The following ANKS1B variants were observed in gnomAD, a reference collection of about 807,000 sequenced individuals.
ANKS1B encodes ankyrin repeat and sterile alpha motif domain containing 1B.
In ANKS1B, 36 loss-of-function variants were observed where a neutral mutation model predicts 148.3. The observed-to-expected ratio is 0.24, with a 90% CI of 0.19 to 0.32. The LOEUF is 0.32. ANKS1B is among the 10% of genes least tolerant of loss of function. The pLI is 1.00. For synonymous variants in ANKS1B, 542 were observed against 560.8 expected (o/e 0.97, Z 0.47); for missense variants, 1,157 against 1,542.6 (o/e 0.75, Z 4.19).
chr12:98,902,152 G>A (rs2099773007), intron 17 of ANKS1B, among the ~76,000 whole-genome samples: 3 of 152,206 alleles, frequency 2.0e-5, no homozygotes, highest in South Asian at 2.1e-4. Flanking sequence ...AGACCCATCT[G>A]CCCCAGTCTT....
intron 9 of ANKS1B, among the ~76,000 whole-genome samples, chr12:99,647,160 T>C (rs2098378099): frequency 6.6e-6 from 1 of 152,194 alleles, no homozygotes; most frequent in Admixed American, 6.5e-5. Context: ...CTTACATAAA[T>C]TGAATCTCAC....
intron 21 of ANKS1B, 77 bp downstream of exon 21, chr12:98,800,920 C>A (rs550075672): frequency 1.4e-5 from 20 of 1,479,124 alleles, no homozygotes; most frequent in Non-Finnish European, 1.6e-5. Context: ...GGTATATTTT[C>A]AATGTAAATG....
At chr12:99,511,477 T>C (rs1461578982) in intron 9 of ANKS1B, among the ~76,000 whole-genome samples, 1 of 151,958 alleles carries the variant, frequency 6.6e-6, no homozygotes, top group South Asian at 2.1e-4. Context: ...ATCGTGAAAA[T>C]GGCCATACTG....
chr12:99,062,988 C>T (rs762757023), intron 16 of ANKS1B, among the ~76,000 whole-genome samples: 4 of 152,266 alleles, frequency 2.6e-5, no homozygotes, highest in East Asian at 1.9e-4. Context: ...GATGCTTGTA[C>T]GTGAAGTACC....
chr12:99,291,792 A>G (rs927164283), intron 12 of ANKS1B, among the ~76,000 whole-genome samples: 3 of 152,196 alleles, frequency 2.0e-5, no homozygotes, highest in African/African-American at 2.4e-5. Flanking sequence ...ACAGCATGGT[A>G]CTGGTACCAA....
chr12:99,330,778 G>A (rs1277057460), intron 12 of ANKS1B, among the ~76,000 whole-genome samples: 2 of 151,962 alleles, frequency 1.3e-5, no homozygotes, highest in Non-Finnish European at 2.9e-5. Context: ...TTTGAAATCA[G>A]TGGAAGCTCT....
At chr12:98,885,805 T>C (rs1248829542) in intron 17 of ANKS1B, among the ~76,000 whole-genome samples, 1 of 152,182 alleles carries the variant, frequency 6.6e-6, no homozygotes, top group African/African-American at 2.4e-5. Context: ...TACCTCCCTC[T>C]GCAATTTCTT....
chr12:99,964,136 C>A (rs1473995448), intron 1 of ANKS1B, among the ~76,000 whole-genome samples: 1 of 152,090 alleles, frequency 6.6e-6, no homozygotes, highest in Non-Finnish European at 1.5e-5. Context: ...AAAAAAAGCC[C>A]ATTAAAGAAT....
At chr12:98,832,757 C>T (rs1291826283) in intron 17 of ANKS1B, among the ~76,000 whole-genome samples, 3 of 152,128 alleles carry the variant, frequency 2.0e-5, no homozygotes, top group South Asian at 2.1e-4. Context: ...ATGCTCTCCA[C>T]GATGATCCAT....
intron 8 of ANKS1B, among the ~76,000 whole-genome samples, chr12:99,705,850 C>A (rs1398733777): frequency 6.6e-6 from 1 of 151,904 alleles, no homozygotes; most frequent in East Asian, 1.9e-4. Context: ...ATATAGAATA[C>A]CTGATACACA....
At chr12:99,683,642 A>G (rs2098633642) in intron 8 of ANKS1B, among the ~76,000 whole-genome samples, 1 of 152,130 alleles carries the variant, frequency 6.6e-6, no homozygotes, top group Non-Finnish European at 1.5e-5. Flanking sequence ...GTATCACCCT[A>G]ATACCAAAAC....
At chr12:99,626,207 AAAACCATT>A (rs1381018021) in intron 9 of ANKS1B, among the ~76,000 whole-genome samples, 1 of 152,198 alleles carries the variant, frequency 6.6e-6, no homozygotes, top group Non-Finnish European at 1.5e-5. Context: ...GCAAAAATAC[AAAACCATT>A]TAAGAGCAAA....
chr12:99,789,696 C>T (rs759913598), intron 4 of ANKS1B, among the ~76,000 whole-genome samples: 2 of 151,798 alleles, frequency 1.3e-5, no homozygotes, highest in Admixed American at 6.6e-5. Flanking sequence ...CTCTTAAGAG[C>T]AGAATTAGTC....
chr12:99,193,760 G>GT (rs2153886932), intron 14 of ANKS1B, among the ~76,000 whole-genome samples: 1 of 137,826 alleles, frequency 7.3e-6, no homozygotes, highest in African/African-American at 2.6e-5. Flanking sequence ...GGGACCTAGT[G>GT]TAAGAAGACA....
intron 17 of ANKS1B, among the ~76,000 whole-genome samples, chr12:98,996,187 A>C (rs1209903947): frequency 6.6e-6 from 1 of 152,108 alleles, no homozygotes; most frequent in East Asian, 1.9e-4. Flanking sequence ...TAAAAGAAAG[A>C]CCTGAAAGGG....
intron 22 of ANKS1B, among the ~76,000 whole-genome samples, chr12:98,782,591 A>G (rs1320281564): frequency 6.6e-6 from 1 of 152,214 alleles, no homozygotes; most frequent in Non-Finnish European, 1.5e-5. Context: ...ATTGAACTCA[A>G]TGATGAGACT....
At chr12:98,810,120 T>C (rs1192833645) in intron 19 of ANKS1B, among the ~76,000 whole-genome samples, 4 of 152,202 alleles carry the variant, frequency 2.6e-5, no homozygotes, top group African/African-American at 7.2e-5. Context: ...AGATGCTGAT[T>C]GACCCTTAGC....
chr12:99,635,737 T>C (rs1370644801), intron 9 of ANKS1B, among the ~76,000 whole-genome samples: 1 of 152,150 alleles, frequency 6.6e-6, no homozygotes, highest in Non-Finnish European at 1.5e-5. Context: ...AAATAGTTAA[T>C]ATGGAAAATT....
At chr12:99,724,689 C>CAAG (rs1280885344) in intron 8 of ANKS1B, among the ~76,000 whole-genome samples, 1 of 151,938 alleles carries the variant, frequency 6.6e-6, no homozygotes, top group East Asian at 1.9e-4. Flanking sequence ...CAATCAACCC[C>CAAG]AAGACACATA....
Sources: allele counts gnomAD v4.1 joint callset (sites outside exome capture counted in the v4.1 genomes callset), GRCh38; gene constraint gnomAD v4.1.1; transcripts MANE v1.5; gene names NCBI Gene and HGNC (gene_info 2026-07-23, HGNC 2026-07-21).